The following DHX29 variants were observed in gnomAD, a reference collection of about 807,000 sequenced individuals.
The protein encoded by DHX29 is ATP-dependent RNA helicase DHX29.
A neutral mutation model predicts 167.9 loss-of-function variants in DHX29; 79 were observed. The ratio of observed to expected loss-of-function variants is 0.47; its 90% CI spans 0.39 to 0.57. DHX29 has a LOEUF of 0.57. Ranked by LOEUF, DHX29 falls within the 20% of genes least tolerant of loss-of-function variation. The pLI, the probability that DHX29 is intolerant of heterozygous loss-of-function variation, is 0.00. For synonymous variants in DHX29, 530 were observed against 546.0 expected (o/e 0.97, Z 0.41); for missense variants, 1,347 against 1,593.4 (o/e 0.85, Z 2.63).
In DHX29 at chr5:55,270,402, T is replaced by C. The variant is rs191521787; in HGVS notation, c.3069+10A>G. On this transcript the variant is annotated intron_variant, in intron 20 of 26. Coordinates refer to ENST00000251636, the MANE Select transcript of DHX29 (RefSeq NM_019030.4). The stretch of plus-strand genomic sequence containing the variant: ...AAGGACAAAATCCATCCGAGTTCCC[T>C]TGAGATTACCATAATATGAAGGCAT... 89 of 1,600,140 alleles carry C rather than the reference T, an allele frequency of 5.6e-5. 1 individual carries two copies. In the African/African-American group the frequency reaches 9.9e-4, roughly 18 times the overall value.
chr5:55,289,147 G>C, intron 8 of DHX29, 123 bp downstream of exon 8: 1 of 1,087,222 alleles, frequency 9.2e-7, no homozygotes, highest in Admixed American at 3.5e-5. Context: ...AGCTTATAAA[G>C]TGTAACTTCA....
rs372086078 is a variant in DHX29, at chr5:55,304,382, G to A, written c.187+3005C>T. On this transcript the variant is annotated intron_variant, in intron 1 of 26. Transcript: ENST00000251636. ...GCTGGAGTGCAGTGGCACAATCTCAGCTCACTGCAAGCTCCGCCTCCCGGG... is the reference window on the plus strand; with the variant it reads ...GCTGGAGTGCAGTGGCACAATCTCAACTCACTGCAAGCTCCGCCTCCCGGG... 3.4e-3 allele frequency among the ~76,000 whole-genome samples: 498 copies of A among 145,620 alleles called. 27 individuals are homozygous for A. In the South Asian group the frequency reaches 0.1, roughly 30 times the overall value.
intron 24 of DHX29, 127 bp from the exon 25 acceptor site, chr5:55,261,626 G>T: frequency 1.5e-6 from 1 of 659,972 alleles, no homozygotes; most frequent in Non-Finnish European, 2.7e-6. Flanking sequence ...TATTTGTAAA[G>T]CTACATTTTC....
intron 25 of DHX29, 58 bp downstream of exon 25, chr5:55,261,310 C>A: frequency 1.1e-6 from 1 of 871,958 alleles, no homozygotes; most frequent in Non-Finnish European, 1.7e-6. Context: ...AAATGTACCT[C>A]AATGGTACTG....
intron 1 of DHX29, among the ~76,000 whole-genome samples, chr5:55,305,593 G>A (rs1449372988): frequency 1.3e-5 from 2 of 152,200 alleles, no homozygotes; most frequent in Non-Finnish European, 2.9e-5. Flanking sequence ...CCAACTGGAG[G>A]AAGCAAAATG....
chr5:55,265,038 C>T (rs539657333), intron 23 of DHX29, among the ~76,000 whole-genome samples: 37 of 149,812 alleles, frequency 2.5e-4, no homozygotes, highest in African/African-American at 9.1e-4. Flanking sequence ...CTAGCTGGCC[C>T]CATTGATATA....
At chr5:55,296,731 T>C (rs1748342446) in intron 3 of DHX29, among the ~76,000 whole-genome samples, 1 of 152,094 alleles carries the variant, frequency 6.6e-6, no homozygotes, top group African/African-American at 2.4e-5. Context: ...GGTGGACATA[T>C]CCTGATTTAA....
chr5:55,298,562 T>C lies in DHX29; in HGVS notation c.261+29A>G, dbSNP rs774128714. The C allele has an allele frequency of 1.6e-5, 21 of 1,323,920 alleles. 1 individual carries two copies. In the South Asian group the frequency reaches 2.4e-4, roughly 15 times the overall value. The allele number at this position is 1,323,920 out of a possible 1,614,324, so 82.0% of individuals were successfully genotyped here. A position where few individuals can be genotyped will look rare whatever the true frequency, so the allele number is the denominator to read the frequency against. On this transcript the variant is annotated intron_variant, in intron 2 of 26. Transcript: ENST00000251636. ...GGGGAAAAAAGGGGGAAACATTTCT[T>C]GAAATGACTCAAAACCTTTGTTACT...
At position 55,269,495 on chromosome 5, in the gene DHX29, T is replaced by C. The variant is rs776308913; in HGVS notation, c.3212A>G (p.Gln1071Arg). ...LNEPKLTPLG[Q>R]HLAALPVNVK... ...ATTCACAGGTAAAGCTGCAAGGTGTTGGCCCAACGGAGTCAGTTTAGGCTC... is the reference window on the plus strand; with the variant it reads ...ATTCACAGGTAAAGCTGCAAGGTGTCGGCCCAACGGAGTCAGTTTAGGCTC... The change falls in exon 21 of 27, where the codon CAA becomes CGA. Residue 1071 changes from glutamine (Q) to arginine (R), a missense_variant. Physicochemically the swap from Gln to Arg is conservative, Grantham distance 43. Transcript: ENST00000251636. The C allele has an allele frequency of 5.6e-6, 9 of 1,614,130 alleles. No homozygotes were observed. In the South Asian group the frequency reaches 8.8e-5, roughly 16 times the overall value.
At chr5:55,303,155 CTT>C in intron 1 of DHX29, among the ~76,000 whole-genome samples, 1 of 151,754 alleles carries the variant, frequency 6.6e-6, no homozygotes, top group African/African-American at 2.4e-5. Flanking sequence ...GCCCAATAAT[CTT>C]TTCTTTTGCT....
At chr5:55,295,345 T>C in intron 5 of DHX29, 34 bp downstream of exon 5, 3 of 1,524,290 alleles carry the variant, frequency 2.0e-6, no homozygotes, top group Non-Finnish European at 1.8e-6. Context: ...CATTCTGATT[T>C]TATACAACTT....
At chr5:55,295,184 G>T in intron 5 of DHX29, 195 bp downstream of exon 5, 1 of 527,822 alleles carries the variant, frequency 1.9e-6, no homozygotes, top group Non-Finnish European at 3.3e-6. Context: ...AGAAATAATA[G>T]TTGGTTTAAG....
At chr5:55,264,131 T>TA (rs1217937300) in intron 23 of DHX29, among the ~76,000 whole-genome samples, 2,051 of 148,434 alleles carry the variant, frequency 0.014, 42 homozygotes, top group African/African-American at 0.048. Flanking sequence ...CCCATCTATT[T>TA]AAAAAAAAAA....
chr5:55,256,450 A>G lies in DHX29; in HGVS notation c.*38T>C, dbSNP rs1310931862. 2 of 1,540,598 alleles carry G rather than the reference A, an allele frequency of 1.3e-6. No homozygotes were observed. Among genetic ancestry groups the G allele is most frequent in the Non-Finnish European group, 1.8e-6 (2 of 1,139,708 alleles). On this transcript the variant is annotated 3_prime_UTR_variant, in exon 27 of 27. Transcript: ENST00000251636. Reference sequence around the variant, plus strand: ...CAGATAATTTCATGACTGTATCTTCATCTTAATTTTTAAAGCAGTTGACCA... The same window carrying G: ...CAGATAATTTCATGACTGTATCTTCGTCTTAATTTTTAAAGCAGTTGACCA...
intron 2 of DHX29, 77 bp downstream of exon 2, chr5:55,298,514 C>T (rs972432661): frequency 1.2e-6 from 1 of 848,050 alleles, no homozygotes. Flanking sequence ...CATTTTCTTA[C>T]ATTTAAGGAT....
chr5:55,300,660 G>A (rs1748553130), intron 1 of DHX29, among the ~76,000 whole-genome samples: 3 of 152,156 alleles, frequency 2.0e-5, no homozygotes, highest in South Asian at 2.1e-4. Context: ...GAGACAGAGC[G>A]AGACTCTGTC....
At chr5:55,272,724 G>C (rs561195957) in intron 17 of DHX29, among the ~76,000 whole-genome samples, 2 of 152,214 alleles carry the variant, frequency 1.3e-5, no homozygotes, top group African/African-American at 2.4e-5. Context: ...CAAGGCTGGA[G>C]TGTTGTTTTG....
At chr5:55,264,452 A>G (rs1299573862) in intron 23 of DHX29, among the ~76,000 whole-genome samples, 1 of 152,226 alleles carries the variant, frequency 6.6e-6, no homozygotes, top group East Asian at 1.9e-4. Context: ...TAGCTGGCCA[A>G]TATTTAGGGA....
chr5:55,281,742 CTATAAAA>C (rs764089844), intron 11 of DHX29, among the ~76,000 whole-genome samples: 2 of 151,124 alleles, frequency 1.3e-5, no homozygotes, highest in African/African-American at 2.4e-5. Flanking sequence ...CTATATAAAG[CTATAAAA>C]TATATTTCAT....
Sources: allele counts gnomAD v4.1 joint callset (sites outside exome capture counted in the v4.1 genomes callset), GRCh38; gene constraint gnomAD v4.1.1; transcripts MANE v1.5; gene names NCBI Gene and HGNC (gene_info 2026-07-23, HGNC 2026-07-21).